Variants in PLXDC2 observed in about 807,000 individuals in gnomAD.
PLXDC2 encodes plexin domain-containing protein 2.
In PLXDC2, 40 loss-of-function variants were observed where a neutral mutation model predicts 68.9. That is an observed-to-expected ratio of 0.58 (90% confidence interval 0.45 to 0.76). PLXDC2 has a LOEUF of 0.76. Among genes scored for constraint, PLXDC2 ranks in the 30% least tolerant of loss-of-function variants. PLXDC2 has a pLI of 0.00. For synonymous variants in PLXDC2, 243 were observed against 234.2 expected, an observed-to-expected ratio of 1.04 and a Z score of -0.34; for missense variants, 644 against 661.9, an observed-to-expected ratio of 0.97 and a Z score of 0.30.
At chr10:19,864,390 C>T (rs978009786) in intron 1 of PLXDC2, among the ~76,000 whole-genome samples, 1 of 152,184 alleles carries the variant, frequency 6.6e-6, no homozygotes, top group Non-Finnish European at 1.5e-5. Context: ...CTATCTGGCA[C>T]ACTTCTTAGA....
At chr10:20,064,276 A>G (rs1445862851) in intron 3 of PLXDC2, among the ~76,000 whole-genome samples, 3 of 148,230 alleles carry the variant, frequency 2.0e-5, no homozygotes, top group Non-Finnish European at 4.4e-5. Context: ...GCTGGAGTGC[A>G]GTGGTGTGAT....
chr10:19,847,349 C>G (rs1837027317), intron 1 of PLXDC2, among the ~76,000 whole-genome samples: 1 of 152,188 alleles, frequency 6.6e-6, no homozygotes, highest in African/African-American at 2.4e-5. Context: ...AGAACTGCTT[C>G]TGGGAACTCA....
chr10:20,210,968 A>G (rs1039506090), intron 9 of PLXDC2, among the ~76,000 whole-genome samples: 1 of 152,082 alleles, frequency 6.6e-6, no homozygotes, highest in Admixed American at 6.6e-5. Context: ...CCCAGGGTCA[A>G]ACTGTTACAG....
chr10:19,845,384 A>G (rs1235313958), intron 1 of PLXDC2, among the ~76,000 whole-genome samples: 1 of 152,130 alleles, frequency 6.6e-6, no homozygotes, highest in East Asian at 1.9e-4. Context: ...GTGTCACGTT[A>G]AGCCTGTGCC....
chr10:20,045,624 C>T (rs1214519392), intron 2 of PLXDC2, among the ~76,000 whole-genome samples: 2 of 151,586 alleles, frequency 1.3e-5, no homozygotes, highest in Non-Finnish European at 2.9e-5. Flanking sequence ...ACATATATAT[C>T]TTGATTGATG....
At position 19,818,227 on chromosome 10, in the gene PLXDC2, G is replaced by GGTGTGTGTGTGTGT. The variant is rs749435110; in HGVS notation, c.112+1069_112+1082dup. Among the ~76,000 whole-genome samples the GGTGTGTGTGTGTGT allele has an allele frequency of 7.4e-4, 102 of 137,610 alleles. 1 individual carries two copies. Among genetic ancestry groups the GGTGTGTGTGTGTGT allele is most frequent in the African/African-American group, 1.8e-3 (63 of 35,940 alleles). The allele number at this position is 137,610 out of a possible 152,430, so 90.3% of individuals were successfully genotyped here. On this transcript the variant is annotated intron_variant, in intron 1 of 13. Coordinates refer to ENST00000377252, the MANE Select transcript of PLXDC2 (RefSeq NM_032812.9). ...TCAATTTGTCAATTTGTTCTTTTCT[G>GGTGTGTGTGTGTGT]GTGTGTGTGTGTGTGTGTGTGTGTG...
intron 2 of PLXDC2, among the ~76,000 whole-genome samples, chr10:20,027,780 G>T (rs560701975): frequency 6.6e-6 from 1 of 151,392 alleles, no homozygotes; most frequent in Non-Finnish European, 1.5e-5. Context: ...TTTGGAACAC[G>T]TATAGGTGCA....
intron 9 of PLXDC2, among the ~76,000 whole-genome samples, chr10:20,185,183 A>C (rs1410421112): frequency 6.6e-6 from 1 of 151,314 alleles, no homozygotes; most frequent in Non-Finnish European, 1.5e-5. Context: ...AAAAAAAAAA[A>C]AAAACTATGG....
At position 20,273,095 on chromosome 10, in the gene PLXDC2, A is replaced by T. The variant is rs139529856; in HGVS notation, c.1474-6608A>T. Among the ~76,000 whole-genome samples, 84 of 152,362 alleles carry T rather than the reference A, an allele frequency of 5.5e-4. No homozygotes were observed. In the East Asian group the frequency reaches 0.015, roughly 27 times the overall value. On this transcript the variant is annotated intron_variant, in intron 13 of 13. Transcript: ENST00000377252. ...AAAGAATGATAGCATTGTGGTTGTA[A>T]AGACGGAAAAACAGAACTTAAGGCA... is the stretch of plus-strand genomic sequence containing the variant.
chr10:19,897,971 A>G (rs1031710125), intron 1 of PLXDC2, among the ~76,000 whole-genome samples: 2 of 152,182 alleles, frequency 1.3e-5, no homozygotes, highest in Non-Finnish European at 2.9e-5. Context: ...ATGAAACTGA[A>G]AAAAATACCT....
chr10:20,170,291 A>C (rs1834430289), intron 7 of PLXDC2, among the ~76,000 whole-genome samples: 1 of 152,140 alleles, frequency 6.6e-6, no homozygotes, highest in South Asian at 2.1e-4. Context: ...CCGGGGTTCA[A>C]GTGCTTCTCC....
At position 20,193,848 on chromosome 10, in the gene PLXDC2, G is replaced by C. The variant is rs1361753321; in HGVS notation, c.1061+16439G>C. ...ATTGGTACACATGAGCTGCATAACA[G>C]TCTAATGGAATTAGCATTTAGTAAT... On this transcript the variant is annotated intron_variant, in intron 9 of 13. Coordinates refer to ENST00000377252, the MANE Select transcript of PLXDC2 (RefSeq NM_032812.9). 2.0e-5 allele frequency among the ~76,000 whole-genome samples: 3 copies of C among 152,034 alleles called. No homozygotes were observed. The South Asian group carries it at 6.2e-4, about 31-fold the overall frequency.
Position 20,281,856 on chromosome 10 carries a change from G to A in PLXDC2, c.*2037G>A, listed in dbSNP as rs1054233166. 6.6e-6 allele frequency: 1 copy of A among 152,070 alleles called. No individual in the cohort carries two copies. The highest frequency in any genetic ancestry group is 2.4e-5 in the African/African-American group (1 of 41,400). The allele number at this position is 152,070 out of a possible 1,614,324, so 9.4% of individuals were successfully genotyped here. A position where few individuals can be genotyped will look rare whatever the true frequency, so the allele number is the denominator to read the frequency against. Reference sequence around the variant, plus strand: ...GGAACACATAGACGACTTCCTTTTAGGATAAAATGATGCTTCTTTCACTAC... The same window carrying A: ...GGAACACATAGACGACTTCCTTTTAAGATAAAATGATGCTTCTTTCACTAC... On this transcript the variant is annotated 3_prime_UTR_variant, in exon 14 of 14. Coordinates refer to ENST00000377252, the MANE Select transcript of PLXDC2 (RefSeq NM_032812.9).
intron 4 of PLXDC2, among the ~76,000 whole-genome samples, chr10:20,136,530 T>C (rs1159651283): frequency 2.0e-5 from 3 of 152,168 alleles, no homozygotes. Flanking sequence ...AGTTAAATAA[T>C]TCAATTCTTC....
At chr10:20,120,786 G>A (rs548669420) in intron 4 of PLXDC2, among the ~76,000 whole-genome samples, 77 of 152,270 alleles carry the variant, frequency 5.1e-4, no homozygotes, top group African/African-American at 1.7e-3. Flanking sequence ...ACACTGAGAA[G>A]TTATTTCCTT....
intron 10 of PLXDC2, among the ~76,000 whole-genome samples, chr10:20,216,505 C>T (rs1305529934): frequency 6.6e-6 from 1 of 152,116 alleles, no homozygotes; most frequent in Non-Finnish European, 1.5e-5. Context: ...GAGGCTGTCT[C>T]AGGAAGTCTG....
chr10:19,829,049 C>A (rs1371254621), intron 1 of PLXDC2, among the ~76,000 whole-genome samples: 1 of 151,972 alleles, frequency 6.6e-6, no homozygotes, highest in Non-Finnish European at 1.5e-5. Flanking sequence ...TTGACCTCTT[C>A]AGGTTCAAGT....
Position 20,284,330 on chromosome 10 carries a change from T to TATATATAC in PLXDC2, c.*4512_*4513insTATATACA, listed in dbSNP as rs1484131963. Reference sequence around the variant, plus strand: ...AAATATACATATATATATATATATATACACACACACACACACACACACAAA... The same window carrying TATATATAC: ...AAATATACATATATATATATATATATATATATACACACACACACACACACACACACAAA... On this transcript the variant is annotated 3_prime_UTR_variant, in exon 14 of 14. Transcript: ENST00000377252. 2.1e-3 allele frequency: 269 copies of TATATATAC among 126,340 alleles called. 4 individuals are homozygous for TATATATAC. The South Asian group carries it at 0.035, about 17-fold the overall frequency. The allele number at this position is 126,340 out of a possible 1,614,324, so 7.8% of individuals were successfully genotyped here. A position where few individuals can be genotyped will look rare whatever the true frequency, so the allele number is the denominator to read the frequency against.
At chr10:20,278,512 G>T (rs1047632412) in intron 13 of PLXDC2, among the ~76,000 whole-genome samples, 2 of 152,092 alleles carry the variant, frequency 1.3e-5, no homozygotes, top group African/African-American at 4.8e-5. Flanking sequence ...GGATAATTCA[G>T]TTCCACTTAA....
Sources: gnomAD v4.1 joint callset for allele counts (sites outside exome capture counted in the v4.1 genomes callset) on GRCh38, gnomAD v4.1.1 for gene constraint, MANE v1.5 for transcripts, NCBI Gene and HGNC (gene_info 2026-07-23, HGNC 2026-07-21) for gene names.